The following CNTNAP2 variants were observed in gnomAD, a reference collection of about 807,000 sequenced individuals.
CNTNAP2 encodes contactin-associated protein-like 2.
A neutral mutation model predicts 155.2 loss-of-function variants in CNTNAP2; 98 were observed. The observed-to-expected ratio is 0.63, with a 90% CI of 0.54 to 0.75. CNTNAP2 has a LOEUF of 0.75. Ranked by LOEUF, CNTNAP2 falls within the 30% of genes least tolerant of loss-of-function variation. CNTNAP2 has a pLI of 0.00. For synonymous variants in CNTNAP2, 651 were observed against 631.2 expected, an observed-to-expected ratio of 1.03 and a Z score of -0.47; for missense variants, 1,727 against 1,688.1, an observed-to-expected ratio of 1.02 and a Z score of -0.40.
intron 1 of CNTNAP2, among the ~76,000 whole-genome samples, chr7:146,569,834 C>G (rs765658162): frequency 3.9e-5 from 6 of 152,202 alleles, no homozygotes; most frequent in Non-Finnish European, 8.8e-5. Context: ...ATTGTTATAA[C>G]TTCCCTACCT....
At chr7:147,206,554 A>C (rs575805302) in intron 8 of CNTNAP2, among the ~76,000 whole-genome samples, 1 of 152,234 alleles carries the variant, frequency 6.6e-6, no homozygotes, top group East Asian at 1.9e-4. Flanking sequence ...TCTATCTCCA[A>C]TGAATAAATA....
chr7:147,529,545 T>A lies in CNTNAP2; in HGVS notation c.1778-32593T>A, dbSNP rs1018343209. Among the ~76,000 whole-genome samples, 19 of 152,312 alleles carry A rather than the reference T, an allele frequency of 1.2e-4. No individual in the cohort carries two copies. In the South Asian group the frequency reaches 3.9e-3, roughly 32 times the overall value. ...CAGAGCAAAGTAACAATGCTGTTTT[T>A]TTTTTGGTTTCTATTTTCTTGTTTG... On this transcript the variant is annotated intron_variant, in intron 11 of 23. Transcript: ENST00000361727.
intron 15 of CNTNAP2, among the ~76,000 whole-genome samples, chr7:148,050,810 G>A (rs1585097854): frequency 6.6e-6 from 1 of 152,144 alleles, no homozygotes; most frequent in African/African-American, 2.4e-5. Flanking sequence ...TCTATGTTTA[G>A]ATATATTTAG....
intron 9 of CNTNAP2, among the ~76,000 whole-genome samples, chr7:147,356,502 A>G (rs1266958357): frequency 6.6e-6 from 1 of 152,128 alleles, no homozygotes; most frequent in Non-Finnish European, 1.5e-5. Context: ...CTGTGTTTGC[A>G]GATGACATGA....
Position 148,416,865 on chromosome 7 carries a change from G to A in CNTNAP2, c.*1249G>A, listed in dbSNP as rs886062061. On this transcript the variant is annotated 3_prime_UTR_variant, in exon 24 of 24. Transcript: ENST00000361727. The stretch of plus-strand genomic sequence containing the variant: ...GGTACCTGTTGCTTCCCAGAGGATG[G>A]AGAAGTGTAGTTAATCACACCTCTT... The A allele has an allele frequency of 1.3e-5, 2 of 152,516 alleles. No individual in the cohort carries two copies. Among genetic ancestry groups the A allele is most frequent in the Non-Finnish European group, 2.9e-5 (2 of 68,042 alleles). 9.4% of individuals were successfully genotyped at this position (152,516 alleles called of 1,614,324 possible). A position where few individuals can be genotyped will look rare whatever the true frequency, so the allele number is the denominator to read the frequency against.
At chr7:147,137,626 T>A (rs1263247572) in intron 8 of CNTNAP2, among the ~76,000 whole-genome samples, 6 of 151,870 alleles carry the variant, frequency 4.0e-5, no homozygotes, top group Non-Finnish European at 7.4e-5. Flanking sequence ...TACAGCCAAT[T>A]TCTTAAAAGT....
At chr7:147,282,712 TAATC>T (rs1032380968) in intron 8 of CNTNAP2, among the ~76,000 whole-genome samples, 9 of 151,864 alleles carry the variant, frequency 5.9e-5, no homozygotes, top group South Asian at 2.1e-4. Context: ...GGTTGATAAT[TAATC>T]AAAGGAAAGC....
chr7:148,158,002 G>A (rs1417163844), intron 17 of CNTNAP2, among the ~76,000 whole-genome samples: 1 of 151,914 alleles, frequency 6.6e-6, no homozygotes, highest in African/African-American at 2.4e-5. Context: ...GAACCTGCTG[G>A]GCCACCACGC....
chr7:147,829,239 T>C (rs1461831364), intron 13 of CNTNAP2, among the ~76,000 whole-genome samples: 2 of 152,146 alleles, frequency 1.3e-5, no homozygotes, highest in African/African-American at 4.8e-5. Context: ...GAGCAGCAGA[T>C]GGAAAGATCC....
At chr7:148,157,958 C>T (rs1805436201) in intron 17 of CNTNAP2, among the ~76,000 whole-genome samples, 1 of 152,140 alleles carries the variant, frequency 6.6e-6, no homozygotes, top group South Asian at 2.1e-4. Flanking sequence ...CACAGTTGTT[C>T]ACTACAAGGG....
intron 8 of CNTNAP2, among the ~76,000 whole-genome samples, chr7:147,207,597 C>T (rs1803048667): frequency 6.6e-6 from 1 of 151,920 alleles, no homozygotes; most frequent in Non-Finnish European, 1.5e-5. Context: ...TTTTAAAAGT[C>T]TATGGAAAGA....
intron 16 of CNTNAP2, among the ~76,000 whole-genome samples, chr7:148,119,280 T>C (rs374787931): frequency 1.3e-5 from 2 of 151,838 alleles, no homozygotes; most frequent in Non-Finnish European, 1.5e-5. Context: ...TCCCACCACT[T>C]TGGGAGGCTG....
intron 1 of CNTNAP2, among the ~76,000 whole-genome samples, chr7:146,759,864 T>G (rs1802061439): frequency 6.6e-6 from 1 of 152,114 alleles, no homozygotes; most frequent in South Asian, 2.1e-4. Flanking sequence ...CCATATTTGC[T>G]GGAAAAATCT....
At chr7:148,057,300 C>A (rs1161752156) in intron 15 of CNTNAP2, among the ~76,000 whole-genome samples, 1 of 152,158 alleles carries the variant, frequency 6.6e-6, no homozygotes, top group Non-Finnish European at 1.5e-5. Flanking sequence ...TCCCAGGTCT[C>A]CATGAGGATC....
Position 146,694,223 on chromosome 7 carries a change from A to G in CNTNAP2, c.98-80048A>G, listed in dbSNP as rs186667456. On this transcript the variant is annotated intron_variant, in intron 1 of 23. Coordinates refer to ENST00000361727, the MANE Select transcript of CNTNAP2 (RefSeq NM_014141.6). ...AGAGAGCTGCTGTTGTAAAGAATAG[A>G]CAAAGGGCTAAATAGAAAATAATTT... Among the ~76,000 whole-genome samples the G allele has an allele frequency of 3.1e-4, 47 of 152,336 alleles. No individual in the cohort carries two copies. In the East Asian group the frequency reaches 3.1e-3, roughly 10 times the overall value.
At chr7:148,305,222 CAAAAAAAA>C (rs34005083) in intron 21 of CNTNAP2, among the ~76,000 whole-genome samples, 2 of 51,940 alleles carry the variant, frequency 3.9e-5, no homozygotes, top group Admixed American at 2.0e-4. Flanking sequence ...GGCCCTGTCT[CAAAAAAAA>C]AAAAAAAAAA....
At chr7:147,467,702 C>T (rs543990653) in intron 10 of CNTNAP2, among the ~76,000 whole-genome samples, 1 of 152,214 alleles carries the variant, frequency 6.6e-6, no homozygotes, top group African/African-American at 2.4e-5. Context: ...TTATATTATC[C>T]AATAACAATT....
chr7:147,184,854 C>A (rs1178747334), intron 8 of CNTNAP2, among the ~76,000 whole-genome samples: 3 of 152,122 alleles, frequency 2.0e-5, no homozygotes, highest in African/African-American at 7.2e-5. Flanking sequence ...ATGCTGAAAA[C>A]AATTAACAAT....
chr7:147,475,647 A>G (rs1798307710), intron 10 of CNTNAP2, among the ~76,000 whole-genome samples: 1 of 152,142 alleles, frequency 6.6e-6, no homozygotes, highest in Non-Finnish European at 1.5e-5. Context: ...TAAAAAAAAA[A>G]TATGTAGTCA....
Sources: gnomAD v4.1 joint callset for allele counts (sites outside exome capture counted in the v4.1 genomes callset) on GRCh38, gnomAD v4.1.1 for gene constraint, MANE v1.5 for transcripts, NCBI Gene and HGNC (gene_info 2026-07-23, HGNC 2026-07-21) for gene names.